The following B3GALT1 variants were observed in gnomAD, a reference collection of about 807,000 sequenced individuals.
B3GALT1 encodes the protein beta-1,3-galactosyltransferase 1, also known as UDP-Gal:betaGlcNAc beta 1,3-galactosyltransferase, polypeptide 1.
In B3GALT1, 10 loss-of-function variants were observed where a neutral mutation model predicts 23.2. The ratio of observed to expected loss-of-function variants is 0.43; its 90% CI spans 0.27 to 0.73. B3GALT1 has a LOEUF of 0.73. Among genes scored for constraint, B3GALT1 ranks in the 30% least tolerant of loss-of-function variants. The pLI is 0.21. For missense variants in B3GALT1, 299 were observed against 405.4 expected (o/e 0.74, Z 2.25); for synonymous variants, 156 against 141.5 (o/e 1.10, Z -0.73).
chr2:167,817,992 G>A (rs564908943), intron 3 of B3GALT1, among the ~76,000 whole-genome samples: 50 of 152,264 alleles, frequency 3.3e-4, no homozygotes, highest in African/African-American at 1.1e-3. Flanking sequence ...TCCCAGCTGT[G>A]CCGTGAATGA....
chr2:167,468,842 G>A (rs182127169), intron 1 of B3GALT1, among the ~76,000 whole-genome samples: 133 of 152,268 alleles, frequency 8.7e-4, no homozygotes, highest in Middle Eastern at 3.4e-3. Flanking sequence ...CTGCACTCCA[G>A]CCTGCACAAC....
At chr2:167,354,167 T>C (rs1352194896) in intron 1 of B3GALT1, among the ~76,000 whole-genome samples, 1 of 152,158 alleles carries the variant, frequency 6.6e-6, no homozygotes, top group Non-Finnish European at 1.5e-5. Flanking sequence ...AGTTGTATAA[T>C]AGCTTTCAGT....
At chr2:167,695,578 C>G (rs947488744) in intron 3 of B3GALT1, among the ~76,000 whole-genome samples, 5 of 152,140 alleles carry the variant, frequency 3.3e-5, no homozygotes, top group African/African-American at 1.2e-4. Flanking sequence ...TGCTGTTTAT[C>G]AAATGCACCC....
intron 3 of B3GALT1, among the ~76,000 whole-genome samples, chr2:167,781,296 A>G (rs1030256320): frequency 6.6e-5 from 10 of 152,182 alleles, no homozygotes; most frequent in Admixed American, 2.0e-4. Context: ...CCAGCACAGC[A>G]AAGAATGTTT....
intron 3 of B3GALT1, among the ~76,000 whole-genome samples, chr2:167,686,573 G>A (rs890555536): frequency 6.6e-6 from 1 of 152,020 alleles, no homozygotes; most frequent in Non-Finnish European, 1.5e-5. Context: ...TGATGATTTT[G>A]TTTTTGTTTT....
chr2:167,811,335 T>C (rs1688885412), intron 3 of B3GALT1, among the ~76,000 whole-genome samples: 1 of 152,232 alleles, frequency 6.6e-6, no homozygotes, highest in Non-Finnish European at 1.5e-5. Flanking sequence ...AACTGATTTA[T>C]CTCACAACTT....
intron 2 of B3GALT1, among the ~76,000 whole-genome samples, chr2:167,547,012 A>G (rs1683648559): frequency 6.6e-6 from 1 of 152,134 alleles, no homozygotes; most frequent in African/African-American, 2.4e-5. Context: ...AGCCTCCATG[A>G]GCTGGGCACC....
At chr2:167,357,618 CA>C (rs1441039627) in intron 1 of B3GALT1, among the ~76,000 whole-genome samples, 2 of 152,074 alleles carry the variant, frequency 1.3e-5, no homozygotes, top group African/African-American at 4.8e-5. Flanking sequence ...TGTCAGGGAC[CA>C]ATATGGTGCT....
At chr2:167,634,205 T>C (rs1685509326) in intron 2 of B3GALT1, among the ~76,000 whole-genome samples, 1 of 152,088 alleles carries the variant, frequency 6.6e-6, no homozygotes, top group Non-Finnish European at 1.5e-5. Flanking sequence ...AAGCAGTGTT[T>C]AGAGGGAAGT....
intron 3 of B3GALT1, among the ~76,000 whole-genome samples, chr2:167,751,968 T>G (rs1435463458): frequency 6.6e-6 from 1 of 152,192 alleles, no homozygotes; most frequent in Non-Finnish European, 1.5e-5. Context: ...AGAAATGAAC[T>G]TTTTCTTTAT....
At chr2:167,400,548 T>A (rs1698171813) in intron 1 of B3GALT1, among the ~76,000 whole-genome samples, 1 of 152,016 alleles carries the variant, frequency 6.6e-6, no homozygotes, top group Non-Finnish European at 1.5e-5. Context: ...CAATAGGGAG[T>A]ACTATGGGTT....
chr2:167,706,088 A>G (rs12468276), intron 3 of B3GALT1, among the ~76,000 whole-genome samples: 11,747 of 152,236 alleles, frequency 0.077, 833 homozygotes, highest in East Asian at 0.21. Context: ...AGAGACAATC[A>G]GTAACTGAGC....
chr2:167,629,899 A>G (rs2105446153), intron 2 of B3GALT1, among the ~76,000 whole-genome samples: 1 of 151,914 alleles, frequency 6.6e-6, no homozygotes, highest in South Asian at 2.1e-4. Flanking sequence ...AAAATTATGT[A>G]CTAAATAATT....
chr2:167,467,882 C>T (rs1699371074), intron 1 of B3GALT1, among the ~76,000 whole-genome samples: 1 of 152,112 alleles, frequency 6.6e-6, no homozygotes, highest in African/African-American at 2.4e-5. Flanking sequence ...GTGTGCCAGA[C>T]ACTGTTTATG....
intron 1 of B3GALT1, among the ~76,000 whole-genome samples, chr2:167,428,345 A>AT (rs1698654294): frequency 1.3e-5 from 2 of 152,166 alleles, no homozygotes; most frequent in Admixed American, 6.5e-5. Flanking sequence ...CATGCCAGAA[A>AT]TTTTTTTTGT....
At chr2:167,346,758 G>A (rs1420781719) in intron 1 of B3GALT1, among the ~76,000 whole-genome samples, 2 of 150,160 alleles carry the variant, frequency 1.3e-5, no homozygotes, top group African/African-American at 4.9e-5. Context: ...GGGGGGGGTG[G>A]TGCGTGTGTG....
At chr2:167,641,928 C>T (rs1311076285) in intron 2 of B3GALT1, among the ~76,000 whole-genome samples, 1 of 152,198 alleles carries the variant, frequency 6.6e-6, no homozygotes, top group African/African-American at 2.4e-5. Flanking sequence ...GCCTTCTCAA[C>T]ATATCTATCA....
intron 3 of B3GALT1, among the ~76,000 whole-genome samples, chr2:167,717,359 A>G (rs1472486044): frequency 6.6e-6 from 1 of 151,932 alleles, no homozygotes; most frequent in Non-Finnish European, 1.5e-5. Flanking sequence ...TTACATATGT[A>G]TACATGTGCC....
At chr2:167,823,546 T>C (rs775027550) in intron 4 of B3GALT1, among the ~76,000 whole-genome samples, 1 of 152,228 alleles carries the variant, frequency 6.6e-6, no homozygotes, top group African/African-American at 2.4e-5. Context: ...GGTGACTAAT[T>C]TGGTATAGCG....
Sources: allele counts gnomAD v4.1 joint callset (sites outside exome capture counted in the v4.1 genomes callset), GRCh38; gene constraint gnomAD v4.1.1; transcripts MANE v1.5; gene names NCBI Gene and HGNC (gene_info 2026-07-23, HGNC 2026-07-21).